CDC42EP3: variants seen among roughly 807,000 people sequenced by gnomAD.
CDC42EP3 encodes the protein CDC42 effector protein (Rho GTPase binding) 3.
In CDC42EP3, 4 loss-of-function variants were observed where a neutral mutation model predicts 15.5. The observed-to-expected ratio is 0.26, with a 90% CI of 0.13 to 0.59. CDC42EP3 has a LOEUF of 0.59. Ranked by LOEUF, CDC42EP3 falls within the 20% of genes least tolerant of loss-of-function variation. CDC42EP3 has a pLI of 0.89. For missense variants in CDC42EP3, 309 were observed against 311.2 expected, an observed-to-expected ratio of 0.99 and a Z score of 0.05; for synonymous variants, 145 against 130.3, an observed-to-expected ratio of 1.11 and a Z score of -0.77.
intron 1 of CDC42EP3, among the ~76,000 whole-genome samples, chr2:37,665,083 C>T (rs1666209452): frequency 1.3e-5 from 2 of 152,016 alleles, no homozygotes; most frequent in Non-Finnish European, 1.5e-5. Context: ...TACTGGATTT[C>T]ACCTTATGAT....
In CDC42EP3 at chr2:37,646,619, G is replaced by A. The variant is rs776449792; in HGVS notation, c.-32C>T. ...ATTTGAGAATGTCTATTTTGCAAGCGGGAGAAAGGGCCACTTTCTTCACAG... is the reference window on the plus strand; with the variant it reads ...ATTTGAGAATGTCTATTTTGCAAGCAGGAGAAAGGGCCACTTTCTTCACAG... On this transcript the variant is annotated 5_prime_UTR_variant, in exon 2 of 2. Transcript: ENST00000295324. The A allele has an allele frequency of 1.1e-5, 16 of 1,515,056 alleles. No individual in the cohort carries two copies. Among genetic ancestry groups the A allele is most frequent in the African/African-American group, 5.6e-5 (4 of 71,572 alleles). The allele number at this position is 1,515,056 out of a possible 1,614,324, so 93.9% of individuals were successfully genotyped here.
rs1218843982 is a variant in CDC42EP3, at chr2:37,642,587, T to C, written c.*3236A>G. ...GGAGAGAAACCATCATGTTGGCTCA[T>C]TCTATTGTGTTTATATATTTCACAG... is the stretch of plus-strand genomic sequence containing the variant. On this transcript the variant is annotated 3_prime_UTR_variant, in exon 2 of 2. Transcript: ENST00000295324. The C allele has an allele frequency of 6.6e-6, 1 of 152,244 alleles. No individual in the cohort carries two copies. The highest frequency in any genetic ancestry group is 1.5e-5 in the Non-Finnish European group (1 of 68,034). 9.4% of individuals were successfully genotyped at this position (152,244 alleles called of 1,614,324 possible).
At chr2:37,664,031 G>A (rs564772617) in intron 1 of CDC42EP3, among the ~76,000 whole-genome samples, 1 of 152,154 alleles carries the variant, frequency 6.6e-6, no homozygotes, top group African/African-American at 2.4e-5. Flanking sequence ...AAAATTAGCC[G>A]GTCGTTGTGG....
At position 37,643,134 on chromosome 2, in the gene CDC42EP3, A is replaced by G. The variant is rs1665322116; in HGVS notation, c.*2689T>C. On this transcript the variant is annotated 3_prime_UTR_variant, in exon 2 of 2. Transcript: ENST00000295324. ...CTCGCCATTTGCTTTGAGTTTGCAA[A>G]TAAAGTACATCTTGGGTTTCCTTAT... 6.6e-6 allele frequency: 1 copy of G among 152,226 alleles called. No individual in the cohort carries two copies. The highest frequency in any genetic ancestry group is 1.5e-5 in the Non-Finnish European group (1 of 68,030). The allele number at this position is 152,226 out of a possible 1,614,324, so 9.4% of individuals were successfully genotyped here.
chr2:37,670,311 A>T (rs1666366704), intron 1 of CDC42EP3, among the ~76,000 whole-genome samples: 1 of 152,128 alleles, frequency 6.6e-6, no homozygotes, highest in Non-Finnish European at 1.5e-5. Context: ...GAGAATTAAG[A>T]GCTGGGAGAT....
In CDC42EP3 at chr2:37,642,109, C is replaced by T. The variant is rs1190531182; in HGVS notation, c.*3714G>A. On this transcript the variant is annotated 3_prime_UTR_variant, in exon 2 of 2. Coordinates refer to ENST00000295324, the MANE Select transcript of CDC42EP3 (RefSeq NM_006449.5). ...CTACTTGCTCTAAGAATAAGGTCAA[C>T]ATTAAACATTCTCAGATGAAAAGCT... The T allele has an allele frequency of 2.0e-5, 3 of 152,176 alleles. No homozygotes were observed. Among genetic ancestry groups the T allele is most frequent in the African/African-American group, 7.2e-5 (3 of 41,436 alleles). The allele number at this position is 152,176 out of a possible 1,614,324, so 9.4% of individuals were successfully genotyped here.
chr2:37,661,976 T>C (rs1170715562), intron 1 of CDC42EP3, among the ~76,000 whole-genome samples: 1 of 152,110 alleles, frequency 6.6e-6, no homozygotes, highest in Non-Finnish European at 1.5e-5. Context: ...GGTTTTATCA[T>C]GTCAGAATGA....
At position 37,642,190 on chromosome 2, in the gene CDC42EP3, A is replaced by G. The variant is rs1013363272; in HGVS notation, c.*3633T>C. ...AAGCATGCAATATATTTACAGTCAG[A>G]TGAAACAAGTGTGTCCATAAATCAA... On this transcript the variant is annotated 3_prime_UTR_variant, in exon 2 of 2. Transcript: ENST00000295324. 19 of 152,244 alleles carry G rather than the reference A, an allele frequency of 1.2e-4. 1 individual carries two copies. Among genetic ancestry groups the G allele is most frequent in the African/African-American group, 4.3e-4 (18 of 41,460 alleles). 9.4% of individuals were successfully genotyped at this position (152,244 alleles called of 1,614,324 possible).
intron 1 of CDC42EP3, among the ~76,000 whole-genome samples, chr2:37,657,416 A>G (rs891920928): frequency 1.3e-5 from 2 of 152,162 alleles, no homozygotes; most frequent in African/African-American, 4.8e-5. Flanking sequence ...AATGCCTGAT[A>G]TTTCCAGGTG....
chr2:37,665,745 T>A (rs1300122790), intron 1 of CDC42EP3, among the ~76,000 whole-genome samples: 1 of 152,204 alleles, frequency 6.6e-6, no homozygotes, highest in African/African-American at 2.4e-5. Context: ...GTTCCCTGCC[T>A]TCCACGCTTG....
Position 37,652,936 on chromosome 2 carries a change from G to A in CDC42EP3, c.-235-6114C>T, listed in dbSNP as rs568323381. 2.6e-4 allele frequency among the ~76,000 whole-genome samples: 40 copies of A among 152,106 alleles called. 1 individual carries two copies. In the South Asian group the frequency reaches 7.7e-3, roughly 29 times the overall value. On this transcript the variant is annotated intron_variant, in intron 1 of 1. Transcript: ENST00000295324. ...ACCTAAATCTTAAAAGACAGACAAA[G>A]GTTCTTATAGTTAGCCCTTTCTCAA...
rs569915626 is a variant in CDC42EP3 at position 37,651,670 on chromosome 2, A to G, written c.-235-4848T>C. 9.8e-4 allele frequency among the ~76,000 whole-genome samples: 149 copies of G among 152,368 alleles called. 1 individual carries two copies. The Middle Eastern group carries it at 0.034, about 35-fold the overall frequency. The stretch of plus-strand genomic sequence containing the variant: ...AGAGAAACATTTGTAGTCGGAAAGG[A>G]AAGTGAGAAAATTCAACAGGTGGGA... On this transcript the variant is annotated intron_variant, in intron 1 of 1. Coordinates refer to ENST00000295324, the MANE Select transcript of CDC42EP3 (RefSeq NM_006449.5).
In CDC42EP3 at chr2:37,646,613, GC is replaced by G; in HGVS notation, c.-27del. The G allele has an allele frequency of 6.6e-7, 1 of 1,521,706 alleles. No individual in the cohort carries two copies. The highest frequency in any genetic ancestry group is 2.3e-5 in the East Asian group (1 of 44,150). 94.3% of individuals were successfully genotyped at this position (1,521,706 alleles called of 1,614,324 possible). ...TTTGGAATTTGAGAATGTCTATTTT[GC>G]AAGCGGGAGAAAGGGCCACTTTCTT... On this transcript the variant is annotated 5_prime_UTR_variant, in exon 2 of 2. Transcript: ENST00000295324.
chr2:37,659,266 G>A (rs1287173182), intron 1 of CDC42EP3, among the ~76,000 whole-genome samples: 2 of 152,208 alleles, frequency 1.3e-5, no homozygotes, highest in Non-Finnish European at 2.9e-5. Context: ...AACCCTGCCT[G>A]CTCTATTGAA....
In CDC42EP3 at chr2:37,645,796, C is replaced by T; in HGVS notation, c.*27G>A. 6.6e-7 allele frequency: 1 copy of T among 1,507,054 alleles called. No homozygotes were observed. The highest frequency in any genetic ancestry group is 2.3e-5 in the Admixed American group (1 of 42,588). 93.4% of individuals were successfully genotyped at this position (1,507,054 alleles called of 1,614,324 possible). A position where few individuals can be genotyped will look rare whatever the true frequency, so the allele number is the denominator to read the frequency against. On this transcript the variant is annotated 3_prime_UTR_variant, in exon 2 of 2. Coordinates refer to ENST00000295324, the MANE Select transcript of CDC42EP3 (RefSeq NM_006449.5). ...GGTTAGTTTGTTTTTGTACCTTTTACCCCAAAGGAAAAAAGTTGGCATCTT... is the reference window on the plus strand; with the variant it reads ...GGTTAGTTTGTTTTTGTACCTTTTATCCCAAAGGAAAAAAGTTGGCATCTT...
At chr2:37,663,202 A>C (rs1367477806) in intron 1 of CDC42EP3, among the ~76,000 whole-genome samples, 1 of 152,008 alleles carries the variant, frequency 6.6e-6, no homozygotes, top group Admixed American at 6.5e-5. Context: ...AACAAAAAAA[A>C]CAAACCAACC....
intron 1 of CDC42EP3, among the ~76,000 whole-genome samples, chr2:37,668,265 A>G (rs566003782): frequency 2.0e-5 from 3 of 152,334 alleles, no homozygotes; most frequent in South Asian, 4.1e-4. Context: ...TATCTCTCTC[A>G]AAGAATAGTT....
At chr2:37,657,248 C>T (rs555606988) in intron 1 of CDC42EP3, among the ~76,000 whole-genome samples, 38 of 152,086 alleles carry the variant, frequency 2.5e-4, no homozygotes, top group Non-Finnish European at 4.3e-4. Context: ...TTCACAACAT[C>T]CTCTGAGACC....
chr2:37,666,827 T>A (rs77997056), intron 1 of CDC42EP3, among the ~76,000 whole-genome samples: 1 of 148,052 alleles, frequency 6.8e-6, no homozygotes, highest in African/African-American at 2.5e-5. Flanking sequence ...TTTTTTTTTT[T>A]AAGGAAAGAA....
Sources: allele counts gnomAD v4.1 joint callset (sites outside exome capture counted in the v4.1 genomes callset), GRCh38; gene constraint gnomAD v4.1.1; transcripts MANE v1.5; gene names NCBI Gene and HGNC (gene_info 2026-07-23, HGNC 2026-07-21).